Variants in CACNA2D1 observed in about 807,000 individuals in gnomAD.
CACNA2D1 encodes the protein voltage-dependent calcium channel subunit alpha-2/delta-1.
CACNA2D1 carries 53 observed loss-of-function variants against 171.5 expected under a neutral mutation model. The ratio of observed to expected loss-of-function variants is 0.31; its 90% CI spans 0.25 to 0.39. The LOEUF (loss-of-function observed/expected upper bound fraction) is 0.39. Ranked by LOEUF, CACNA2D1 falls within the 10% of genes least tolerant of loss-of-function variation. The probability of loss-of-function intolerance (pLI) is 1.00; values close to 1 mark genes in which losing one functional copy is unlikely to be tolerated. For synonymous variants in CACNA2D1, 442 were observed against 443.1 expected, an observed-to-expected ratio of 1.00 and a Z score of 0.03; for missense variants, 903 against 1,299.8, an observed-to-expected ratio of 0.69 and a Z score of 4.69.
chr7:82,154,389 G>C (rs958260408), intron 4 of CACNA2D1, among the ~76,000 whole-genome samples: 1 of 151,976 alleles, frequency 6.6e-6, no homozygotes, highest in Admixed American at 6.6e-5. Flanking sequence ...TTAGTAGAAA[G>C]GTATGGTATG....
Position 82,115,093 on chromosome 7 carries a change from C to T in CACNA2D1, c.526+1951G>A, listed in dbSNP as rs554600363. On this transcript the variant is annotated intron_variant, in intron 6 of 38. Coordinates refer to ENST00000356860, the MANE Select transcript of CACNA2D1 (RefSeq NM_000722.4). ...GCTTCAGTTTTCTTCAACAGAGTAA[C>T]GCAGGTTGAAAAGCAGTGCCATGAT... Among the ~76,000 whole-genome samples the T allele has an allele frequency of 2.0e-4, 30 of 152,230 alleles. No homozygotes were observed. The East Asian group carries it at 2.3e-3, about 12-fold the overall frequency.
At chr7:82,420,830 G>GA (rs56858207) in intron 1 of CACNA2D1, among the ~76,000 whole-genome samples, 94 of 138,752 alleles carry the variant, frequency 6.8e-4, no homozygotes, top group Admixed American at 1.2e-3. Context: ...TAGCGAGCAG[G>GA]AAAAAAAAAA....
At chr7:82,104,475 C>A (rs1421231459) in intron 6 of CACNA2D1, among the ~76,000 whole-genome samples, 2 of 151,878 alleles carry the variant, frequency 1.3e-5, no homozygotes, top group Non-Finnish European at 2.9e-5. Flanking sequence ...ATATTATATT[C>A]TTATGAAAGA....
chr7:82,229,375 G>T (rs1307219390), intron 3 of CACNA2D1, among the ~76,000 whole-genome samples: 6 of 152,040 alleles, frequency 3.9e-5, no homozygotes, highest in Non-Finnish European at 7.4e-5. Flanking sequence ...ATGCACACTG[G>T]TCAAACTATA....
At chr7:81,982,177 A>C (rs964927650) in intron 24 of CACNA2D1, among the ~76,000 whole-genome samples, 29 of 151,742 alleles carry the variant, frequency 1.9e-4, no homozygotes, top group African/African-American at 6.5e-4. Flanking sequence ...GTCATGAGGC[A>C]AGAGTGCAGT....
chr7:81,982,808 A>C (rs1796576313), intron 23 of CACNA2D1, 181 bp from the exon 24 acceptor site: 2 of 666,040 alleles, frequency 3.0e-6, no homozygotes, highest in African/African-American at 1.8e-5. Context: ...CAAAATAATA[A>C]AATTATAACA....
chr7:82,437,105 T>C (rs773218319), intron 1 of CACNA2D1, among the ~76,000 whole-genome samples: 2 of 152,088 alleles, frequency 1.3e-5, no homozygotes, highest in African/African-American at 4.8e-5. Flanking sequence ...GGAGCACAGA[T>C]TGAAGTGAAA....
intron 3 of CACNA2D1, among the ~76,000 whole-genome samples, chr7:82,326,902 G>A (rs1228592747): frequency 6.6e-6 from 1 of 152,038 alleles, no homozygotes; most frequent in Non-Finnish European, 1.5e-5. Flanking sequence ...AGTTTACTTT[G>A]CCAATCCTCA....
At chr7:82,371,306 T>C (rs997020638) in intron 1 of CACNA2D1, among the ~76,000 whole-genome samples, 2 of 152,194 alleles carry the variant, frequency 1.3e-5, no homozygotes, top group Admixed American at 1.3e-4. Flanking sequence ...GGGCTAGACT[T>C]GGGTTTTAAT....
At chr7:82,171,290 A>T (rs1284238735) in intron 3 of CACNA2D1, among the ~76,000 whole-genome samples, 1 of 152,080 alleles carries the variant, frequency 6.6e-6, no homozygotes, top group Non-Finnish European at 1.5e-5. Context: ...TGCTAGTGTC[A>T]GCCTGCCAAT....
chr7:82,321,867 C>A (rs1815943791), intron 3 of CACNA2D1, among the ~76,000 whole-genome samples: 1 of 152,142 alleles, frequency 6.6e-6, no homozygotes, highest in East Asian at 1.9e-4. Context: ...TGGCTCACGC[C>A]TGTAATCCCA....
At chr7:82,094,297 AATAT>A (rs1460972966) in intron 6 of CACNA2D1, among the ~76,000 whole-genome samples, 2 of 152,230 alleles carry the variant, frequency 1.3e-5, no homozygotes, top group Admixed American at 6.5e-5. Context: ...ACCGAATCAT[AATAT>A]ATAAAGGTAT....
chr7:82,194,170 G>A (rs1585061757), intron 3 of CACNA2D1, among the ~76,000 whole-genome samples: 1 of 152,038 alleles, frequency 6.6e-6, no homozygotes, highest in East Asian at 1.9e-4. Flanking sequence ...GCCAGTGACA[G>A]AGTGTGAATC....
chr7:82,263,786 G>T (rs1022223477), intron 3 of CACNA2D1, among the ~76,000 whole-genome samples: 1 of 152,256 alleles, frequency 6.6e-6, no homozygotes, highest in South Asian at 2.1e-4. Context: ...AGGTATGTTT[G>T]ATTTTCCTCT....
chr7:82,174,171 A>G (rs1796327910), intron 3 of CACNA2D1, among the ~76,000 whole-genome samples: 1 of 94 alleles, frequency 0.011, no homozygotes, highest in South Asian at 0.12. Flanking sequence ...TTACTTCAGA[A>G]AAAAAAAAAT....
At chr7:82,027,140 A>C (rs968123531) in intron 12 of CACNA2D1, among the ~76,000 whole-genome samples, 1 of 151,614 alleles carries the variant, frequency 6.6e-6, no homozygotes. Flanking sequence ...TCTTGACAGC[A>C]CAAGAGGGAT....
At chr7:82,184,279 T>C (rs552609503) in intron 3 of CACNA2D1, among the ~76,000 whole-genome samples, 5 of 151,680 alleles carry the variant, frequency 3.3e-5, no homozygotes, top group African/African-American at 1.2e-4. Context: ...CTCCTAGGAG[T>C]TGGAAAATTA....
chr7:82,376,473 T>C (rs1823028481), intron 1 of CACNA2D1, among the ~76,000 whole-genome samples: 1 of 152,168 alleles, frequency 6.6e-6, no homozygotes, highest in Non-Finnish European at 1.5e-5. Context: ...ATATGAACTG[T>C]GTATTTTTCT....
At position 81,965,670 on chromosome 7, in the gene CACNA2D1, CAAAAT is replaced by C. The variant is rs774634676; in HGVS notation, c.2503-10_2503-6del. 4 of 1,563,500 alleles carry C rather than the reference CAAAAT, an allele frequency of 2.6e-6. No homozygotes were observed. Among genetic ancestry groups the C allele is most frequent in the Non-Finnish European group, 3.5e-6 (4 of 1,135,032 alleles). On this transcript the variant is annotated splice_region_variant and splice_polypyrimidine_tract_variant and intron_variant, in intron 31 of 38. Coordinates refer to ENST00000356860, the MANE Select transcript of CACNA2D1 (RefSeq NM_000722.4). ...CAGAATCACACAATCCATTACCTAT[CAAAAT>C]AAAGTGAACAGTTAACACATTTTTA...
Sources: gnomAD v4.1 joint callset for allele counts (sites outside exome capture counted in the v4.1 genomes callset) on GRCh38, gnomAD v4.1.1 for gene constraint, MANE v1.5 for transcripts, NCBI Gene and HGNC (gene_info 2026-07-23, HGNC 2026-07-21) for gene names.